Variants in SORCS1 observed in about 807,000 individuals in gnomAD.
SORCS1 encodes VPS10 domain-containing receptor SorCS1.
In SORCS1, 60 loss-of-function variants were observed where a neutral mutation model predicts 146.1. The ratio of observed to expected loss-of-function variants is 0.41; its 90% CI spans 0.33 to 0.51. The LOEUF is 0.51. Ranked by LOEUF, SORCS1 falls within the 20% of genes least tolerant of loss-of-function variation. The pLI is 0.21. For synonymous variants in SORCS1, 637 were observed against 584.0 expected (o/e 1.09, Z -1.31); for missense variants, 1,352 against 1,487.6 (o/e 0.91, Z 1.50).
intron 2 of SORCS1, among the ~76,000 whole-genome samples, chr10:106,905,254 G>A (rs149519013): frequency 3.9e-5 from 6 of 152,226 alleles, no homozygotes; most frequent in African/African-American, 1.4e-4. Context: ...AAGCATTAAT[G>A]TATGAACCTG....
intron 2 of SORCS1, among the ~76,000 whole-genome samples, chr10:106,934,318 T>G (rs928127520): frequency 2.6e-5 from 4 of 151,998 alleles, no homozygotes; most frequent in Non-Finnish European, 4.4e-5. Flanking sequence ...AGTGCAGTGG[T>G]GCGATCTCAG....
rs1855324660 is a variant in SORCS1, at chr10:106,715,779, A to T, written c.1025-6438T>A. ...TTCTTTCTTTTTCTTTTTTTTGAGG[A>T]CAGAGTCTCACTCTGTCACCCAGGC... is the stretch of plus-strand genomic sequence containing the variant. On this transcript the variant is annotated intron_variant, in intron 6 of 25. Transcript: ENST00000263054. Among the ~76,000 whole-genome samples the T allele has an allele frequency of 2.0e-5, 3 of 151,956 alleles. No individual in the cohort carries two copies. The South Asian group carries it at 6.2e-4, about 32-fold the overall frequency.
intron 3 of SORCS1, among the ~76,000 whole-genome samples, chr10:106,787,746 C>T (rs770745466): frequency 4.6e-5 from 7 of 152,174 alleles, no homozygotes; most frequent in Non-Finnish European, 1.0e-4. Context: ...CAGCTAGTCA[C>T]CACAATTGCT....
chr10:106,714,795 A>G (rs954625920), intron 6 of SORCS1, among the ~76,000 whole-genome samples: 3 of 152,292 alleles, frequency 2.0e-5, no homozygotes, highest in African/African-American at 7.2e-5. Context: ...GGGAGTCAAG[A>G]TGGACTTGTG....
chr10:107,086,558 T>C (rs1736736582), intron 1 of SORCS1, among the ~76,000 whole-genome samples: 1 of 152,264 alleles, frequency 6.6e-6, no homozygotes, highest in Non-Finnish European at 1.5e-5. Flanking sequence ...GACTTCGCCA[T>C]TTATAGCTGT....
intron 2 of SORCS1, among the ~76,000 whole-genome samples, chr10:106,910,510 C>T (rs1360719452): frequency 6.6e-6 from 1 of 152,128 alleles, no homozygotes; most frequent in East Asian, 1.9e-4. Context: ...CAAGAGGTCT[C>T]ATCCCATCAG....
intron 2 of SORCS1, among the ~76,000 whole-genome samples, chr10:106,878,544 A>G (rs911739444): frequency 6.7e-6 from 1 of 148,392 alleles, no homozygotes; most frequent in African/African-American, 2.5e-5. Flanking sequence ...CCAGACACCA[A>G]ATCTGCCAGT....
intron 13 of SORCS1, among the ~76,000 whole-genome samples, chr10:106,676,042 G>T (rs971190735): frequency 2.0e-4 from 31 of 152,064 alleles, no homozygotes; most frequent in African/African-American, 6.8e-4. Context: ...GTTATAGCAG[G>T]CCAAATGAAC....
At chr10:106,930,550 T>G (rs1953363887) in intron 2 of SORCS1, among the ~76,000 whole-genome samples, 1 of 152,176 alleles carries the variant, frequency 6.6e-6, no homozygotes, top group Admixed American at 6.5e-5. Flanking sequence ...TATCTGAGCA[T>G]CTCATTATAA....
intron 3 of SORCS1, among the ~76,000 whole-genome samples, chr10:106,819,124 G>A (rs1460129154): frequency 6.6e-6 from 1 of 152,214 alleles, no homozygotes; most frequent in Non-Finnish European, 1.5e-5. Context: ...GTTAAGAAGA[G>A]TAACAATGAG....
chr10:107,073,407 C>T (rs1400432344), intron 1 of SORCS1, among the ~76,000 whole-genome samples: 1 of 152,206 alleles, frequency 6.6e-6, no homozygotes, highest in East Asian at 1.9e-4. Context: ...TCAGATATGG[C>T]CACTGCCCTC....
chr10:106,736,965 G>T (rs2756245), intron 5 of SORCS1, among the ~76,000 whole-genome samples: 2 of 151,854 alleles, frequency 1.3e-5, no homozygotes, highest in Non-Finnish European at 2.9e-5. Flanking sequence ...GGCCCTCCAC[G>T]TGCTGCATTT....
At chr10:106,981,115 T>C (rs1956231233) in intron 1 of SORCS1, among the ~76,000 whole-genome samples, 1 of 152,090 alleles carries the variant, frequency 6.6e-6, no homozygotes, top group Non-Finnish European at 1.5e-5. Flanking sequence ...AGGAGTGTAG[T>C]GTTATAGAAA....
At chr10:106,822,782 G>GTTTTTTTTTTGT in intron 3 of SORCS1, among the ~76,000 whole-genome samples, 1 of 113,152 alleles carries the variant, frequency 8.8e-6, no homozygotes, top group East Asian at 2.8e-4. Context: ...TTCATGTGTG[G>GTTTTTTTTTTGT]TTTTTTTTTT....
At position 106,674,328 on chromosome 10, in the gene SORCS1, C is replaced by CAAAAAAAAAAAAAAAAAAAA; in HGVS notation, c.1940+701_1940+720dup. 8.8e-4 allele frequency among the ~76,000 whole-genome samples: 24 copies of CAAAAAAAAAAAAAAAAAAAA among 27,370 alleles called. 7 individuals carry two copies. Among genetic ancestry groups the CAAAAAAAAAAAAAAAAAAAA allele is most frequent in the East Asian group, 1.8e-3 (1 of 562 alleles). 18.0% of individuals were successfully genotyped at this position (27,370 alleles called of 152,430 possible). A position where few individuals can be genotyped will look rare whatever the true frequency, so the allele number is the denominator to read the frequency against. On this transcript the variant is annotated intron_variant, in intron 14 of 25. Coordinates refer to ENST00000263054, the MANE Select transcript of SORCS1 (RefSeq NM_052918.5). ...TGGGCGACAGAGTAAGACTCCGTCT[C>CAAAAAAAAAAAAAAAAAAAA]AAAAAAAAAAAAAAAAAAAAAAAAA...
chr10:106,611,796 C>T (rs1847007863), intron 22 of SORCS1, 115 bp downstream of exon 22: 7 of 747,542 alleles, frequency 9.4e-6, no homozygotes, highest in Non-Finnish European at 1.5e-5. Flanking sequence ...TGGGCTCTAG[C>T]TTCTTCCTGC....
chr10:106,883,703 A>T (rs932968229), intron 2 of SORCS1, among the ~76,000 whole-genome samples: 3 of 152,124 alleles, frequency 2.0e-5, no homozygotes, highest in African/African-American at 7.2e-5. Context: ...GTGAGCCACC[A>T]CGCCCGGCCT....
chr10:106,871,248 G>A (rs1006326906), intron 2 of SORCS1, among the ~76,000 whole-genome samples: 4 of 152,176 alleles, frequency 2.6e-5, no homozygotes, highest in Non-Finnish European at 4.4e-5. Context: ...ATACACTATT[G>A]GTGGGAGTGT....
At chr10:106,623,571 C>A (rs371030699) in intron 19 of SORCS1, among the ~76,000 whole-genome samples, 106 of 152,138 alleles carry the variant, frequency 7.0e-4, no homozygotes, top group Admixed American at 2.2e-3. Flanking sequence ...CATAAACCAG[C>A]GTAAGAACAA....
Sources: allele counts gnomAD v4.1 joint callset (sites outside exome capture counted in the v4.1 genomes callset), GRCh38; gene constraint gnomAD v4.1.1; transcripts MANE v1.5; gene names NCBI Gene and HGNC (gene_info 2026-07-23, HGNC 2026-07-21).